YES1: variants seen among roughly 807,000 people sequenced by gnomAD.
The protein encoded by YES1 is YES proto-oncogene 1, Src family tyrosine kinase, also known as tyrosine-protein kinase Yes.
Under a neutral mutation model 70.4 loss-of-function variants are expected in YES1, and 39 were observed. That is an observed-to-expected ratio of 0.55 (90% CI 0.43 to 0.72). YES1 has a LOEUF of 0.72. Ranked by LOEUF, YES1 falls within the 30% of genes least tolerant of loss-of-function variation. The probability of loss-of-function intolerance (pLI) is 0.00; values close to 1 mark genes in which losing one functional copy is unlikely to be tolerated. For synonymous variants in YES1, 198 were observed against 218.6 expected (o/e 0.91, Z 0.83); for missense variants, 495 against 644.8 (o/e 0.77, Z 2.52).
chr18:775,633 C>G (rs142167820), intron 1 of YES1, among the ~76,000 whole-genome samples: 1 of 151,952 alleles, frequency 6.6e-6, no homozygotes, highest in Non-Finnish European at 1.5e-5. Context: ...CTCATCTCTA[C>G]AAAAAGTAAA....
chr18:776,303 C>T (rs1371771462), intron 1 of YES1, among the ~76,000 whole-genome samples: 1 of 151,826 alleles, frequency 6.6e-6, no homozygotes, highest in African/African-American at 2.4e-5. Context: ...AAGTGATTCT[C>T]GTGCCTCAGC....
intron 2 of YES1, among the ~76,000 whole-genome samples, chr18:754,092 T>C (rs1438030545): frequency 6.6e-6 from 1 of 152,176 alleles, no homozygotes; most frequent in East Asian, 1.9e-4. Flanking sequence ...CTACCATCCA[T>C]TCCCCACACA....
At chr18:812,328 C>CCCCCCCCCCCGGCCCCG (rs1907448491), upstream of YES1, 3 of 2,308 alleles carry the variant, frequency 1.3e-3, no homozygotes, top group Admixed American at 0.012. Context: ...ACCTCCTCCG[C>CCCCCCCCCCCGGCCCCG]CCCCCCCCCC....
chr18:792,715 C>A (rs1474495824), intron 1 of YES1, among the ~76,000 whole-genome samples: 4 of 151,876 alleles, frequency 2.6e-5, no homozygotes, highest in Non-Finnish European at 4.4e-5. Flanking sequence ...AATCCCAGCA[C>A]TTTGGAAGGC....
At chr18:771,543 C>G (rs1006541136) in intron 1 of YES1, among the ~76,000 whole-genome samples, 1 of 152,100 alleles carries the variant, frequency 6.6e-6, no homozygotes, top group Non-Finnish European at 1.5e-5. Context: ...TTTTCTTTTA[C>G]ATTTCAAGAA....
intron 1 of YES1, among the ~76,000 whole-genome samples, chr18:761,821 C>G (rs947290667): frequency 2.0e-5 from 3 of 152,168 alleles, no homozygotes; most frequent in African/African-American, 7.2e-5. Context: ...TAATGTCATA[C>G]GTGATTCACA....
chr18:808,063 T>C (rs191940832), intron 1 of YES1, among the ~76,000 whole-genome samples: 1 of 152,306 alleles, frequency 6.6e-6, no homozygotes, highest in East Asian at 1.9e-4. Context: ...CAACAGTACA[T>C]TATTCTATAC....
intron 1 of YES1, among the ~76,000 whole-genome samples, chr18:781,892 A>C (rs1905690131): frequency 6.6e-6 from 1 of 152,222 alleles, no homozygotes; most frequent in Non-Finnish European, 1.5e-5. Context: ...TATGGCTTCA[A>C]GGACAGAATC....
chr18:792,367 A>C (rs1906295963), intron 1 of YES1, among the ~76,000 whole-genome samples: 1 of 152,104 alleles, frequency 6.6e-6, no homozygotes, highest in Non-Finnish European at 1.5e-5. Context: ...GGTTAAAAAA[A>C]TAAAATAAAA....
intron 1 of YES1, among the ~76,000 whole-genome samples, chr18:810,531 A>G (rs1018903211): frequency 1.3e-5 from 2 of 152,240 alleles, no homozygotes; most frequent in African/African-American, 4.8e-5. Flanking sequence ...TAAAGCCATT[A>G]TAACATTACA....
chr18:736,785 C>T (rs1366698166), intron 10 of YES1, 23 bp downstream of exon 10: 1 of 1,605,820 alleles, frequency 6.2e-7, no homozygotes, highest in African/African-American at 1.3e-5. Flanking sequence ...ACATTACAAG[C>T]TTTTATGTAA....
chr18:763,703 CAAAAAAAAAAA>C lies in YES1; in HGVS notation c.-8-6879_-8-6869del, dbSNP rs71174286. 6.6e-4 allele frequency among the ~76,000 whole-genome samples: 42 copies of C among 63,712 alleles called. No homozygotes were observed. The South Asian group carries it at 0.026, about 39-fold the overall frequency. 41.8% of individuals were successfully genotyped at this position (63,712 alleles called of 152,430 possible). A position where few individuals can be genotyped will look rare whatever the true frequency, so the allele number is the denominator to read the frequency against. On this transcript the variant is annotated intron_variant, in intron 1 of 11. Transcript: ENST00000314574. ...TGGATGACAGAGGAGATCCTGTCTTCAAAAAAAAAAAAAAAAAAAAAAGACGAGCTGGAACA... is the reference window on the plus strand; with the variant it reads ...TGGATGACAGAGGAGATCCTGTCTTCAAAAAAAAAAAGACGAGCTGGAACA...
In YES1 at chr18:731,818, T is replaced by C. The variant is rs1209721952; in HGVS notation, c.1423+1016A>G. On this transcript the variant is annotated intron_variant, in intron 11 of 11. Transcript: ENST00000314574. Reference sequence around the variant, plus strand: ...CCGTCTCTACTAAAAATACAAAAAATTAGCTGGGCGTGGTGGCGGGTGCCT... The same window carrying C: ...CCGTCTCTACTAAAAATACAAAAAACTAGCTGGGCGTGGTGGCGGGTGCCT... 2.0e-5 allele frequency among the ~76,000 whole-genome samples: 3 copies of C among 151,732 alleles called. No homozygotes were observed. The East Asian group carries it at 5.9e-4, about 30-fold the overall frequency.
intron 8 of YES1, 41 bp from the exon 9 acceptor site, chr18:739,852 C>A (rs2080196972): frequency 6.7e-7 from 1 of 1,494,678 alleles, no homozygotes; most frequent in Non-Finnish European, 9.2e-7. Context: ...ATAAGCAAAT[C>A]TTATATTAGG....
intron 3 of YES1, among the ~76,000 whole-genome samples, chr18:751,094 TAGC>T (rs1468989534): frequency 1.3e-5 from 2 of 152,182 alleles, no homozygotes; most frequent in African/African-American, 2.4e-5. Flanking sequence ...CAATAACTGG[TAGC>T]AGATGGGAAC....
At position 756,705 on chromosome 18, in the gene YES1, T is replaced by C. The variant is rs530587098; in HGVS notation, c.123A>G (p.Pro41=). 19 of 1,614,074 alleles carry C rather than the reference T, an allele frequency of 1.2e-5. No homozygotes were observed. The highest frequency in any genetic ancestry group is 3.3e-4 in the Middle Eastern group (2 of 6,084). The change falls in exon 2 of 12, where the codon CCA becomes CCG. Residue 41 remains proline (P), a synonymous_variant. Coordinates refer to ENST00000314574, the MANE Select transcript of YES1 (RefSeq NM_005433.4). ...TTCCCTTTGCTGAAGATGACGGACA[T>C]GGTGACACTGTAGTGGGTTCTGCTC... ...HYGAEPTTVS[P]CPSSSAKGTA...
At chr18:776,216 T>G (rs1262414731) in intron 1 of YES1, among the ~76,000 whole-genome samples, 1 of 150,586 alleles carries the variant, frequency 6.6e-6, no homozygotes. Context: ...TTTTTTGAGA[T>G]GGAGTCTCCC....
At chr18:802,183 A>G (rs377355700) in intron 1 of YES1, among the ~76,000 whole-genome samples, 3 of 152,218 alleles carry the variant, frequency 2.0e-5, no homozygotes, top group Non-Finnish European at 4.4e-5. Context: ...GAGGAGTTCG[A>G]GGCTGTAATG....
intron 1 of YES1, among the ~76,000 whole-genome samples, chr18:795,946 T>G (rs565047349): frequency 8.8e-6 from 1 of 113,612 alleles, no homozygotes; most frequent in Non-Finnish European, 1.8e-5. Context: ...CACACACACA[T>G]AAGACCTATG....
Sources: allele counts gnomAD v4.1 joint callset (sites outside exome capture counted in the v4.1 genomes callset), GRCh38; gene constraint gnomAD v4.1.1; transcripts MANE v1.5; gene names NCBI Gene and HGNC (gene_info 2026-07-23, HGNC 2026-07-21).